ARHGAP15: variants seen among roughly 807,000 people sequenced by gnomAD.
ARHGAP15 encodes the protein rho GTPase-activating protein 15.
In ARHGAP15, 51 loss-of-function variants were observed where a neutral mutation model predicts 63.7. The observed-to-expected ratio is 0.80, with a 90% CI of 0.64 to 1.01. The LOEUF is 1.01. Among genes scored for constraint, ARHGAP15 ranks in the 50% least tolerant of loss-of-function variants. ARHGAP15 has a pLI of 0.00. For synonymous variants in ARHGAP15, 191 were observed against 193.8 expected (o/e 0.99, Z 0.12); for missense variants, 560 against 564.6 (o/e 0.99, Z 0.08).
intron 2 of ARHGAP15, among the ~76,000 whole-genome samples, chr2:143,187,237 G>T (rs1379986235): frequency 6.6e-6 from 1 of 152,110 alleles, no homozygotes; most frequent in African/African-American, 2.4e-5. Context: ...TGTGTAAAAT[G>T]CCTTCAAAGA....
rs551254974 is a variant in ARHGAP15, at chr2:143,501,598, G to A, written c.826+14103G>A. ...AGATACCTCCAGTTCTCTAGCATCC[G>A]TTTCTTATGTTCATGTACACACTTG... On this transcript the variant is annotated intron_variant, in intron 9 of 13. Transcript: ENST00000295095. 5.3e-5 allele frequency among the ~76,000 whole-genome samples: 8 copies of A among 152,290 alleles called. No homozygotes were observed. In the South Asian group the frequency reaches 8.3e-4, roughly 16 times the overall value.
intron 12 of ARHGAP15, among the ~76,000 whole-genome samples, chr2:143,634,214 G>T (rs1574740870): frequency 6.6e-6 from 1 of 151,962 alleles, no homozygotes; most frequent in Non-Finnish European, 1.5e-5. Context: ...GTCTTTGACT[G>T]CTCCATCTGT....
chr2:143,429,220 GTTT>G (rs67580605), intron 6 of ARHGAP15, among the ~76,000 whole-genome samples: 32,986 of 131,836 alleles, frequency 0.25, 4,619 homozygotes, highest in Non-Finnish European at 0.36. Flanking sequence ...GAACATGAGG[GTTT>G]TTTTTTTTTT....
At chr2:143,599,450 G>A (rs1334972642) in intron 11 of ARHGAP15, among the ~76,000 whole-genome samples, 1 of 151,952 alleles carries the variant, frequency 6.6e-6, no homozygotes, top group Non-Finnish European at 1.5e-5. Flanking sequence ...CTGAGCATAA[G>A]CAATGGGCAA....
At chr2:143,141,625 C>T (rs1425078779) in intron 1 of ARHGAP15, among the ~76,000 whole-genome samples, 12 of 152,124 alleles carry the variant, frequency 7.9e-5, no homozygotes, top group African/African-American at 2.9e-4. Flanking sequence ...CTCGTTGTAA[C>T]TAAGATCATG....
intron 13 of ARHGAP15, among the ~76,000 whole-genome samples, chr2:143,744,511 C>G (rs956511236): frequency 3.3e-5 from 5 of 152,094 alleles, no homozygotes; most frequent in African/African-American, 4.8e-5. Context: ...ACTGTTTAAC[C>G]TAATTGAGCT....
intron 6 of ARHGAP15, among the ~76,000 whole-genome samples, chr2:143,340,466 T>C (rs754279251): frequency 1.2e-4 from 18 of 152,134 alleles, no homozygotes; most frequent in Admixed American, 6.6e-4. Flanking sequence ...AGTGATGTAA[T>C]TTTCATTTGC....
chr2:143,530,757 C>G (rs1377872246), intron 10 of ARHGAP15, among the ~76,000 whole-genome samples: 1 of 152,120 alleles, frequency 6.6e-6, no homozygotes, highest in Non-Finnish European at 1.5e-5. Flanking sequence ...ATTTCCTGCT[C>G]GTATTTCTAA....
At chr2:143,301,838 A>G (rs1421688756) in intron 6 of ARHGAP15, among the ~76,000 whole-genome samples, 2 of 151,604 alleles carry the variant, frequency 1.3e-5, no homozygotes, top group Admixed American at 1.3e-4. Flanking sequence ...TGGAGACAAC[A>G]TATATATGGG....
In ARHGAP15 at chr2:143,479,894, ACT is replaced by A. The variant is rs1454094796; in HGVS notation, c.704-7476_704-7475del. Among the ~76,000 whole-genome samples, 17 of 151,960 alleles carry A rather than the reference ACT, an allele frequency of 1.1e-4. No individual in the cohort carries two copies. The East Asian group carries it at 2.5e-3, about 22-fold the overall frequency. ...TGACGCAAAAAAAAAAAGTCATTAA[ACT>A]CTGGCTTATAAAAGGAAACCAGATA... On this transcript the variant is annotated intron_variant, in intron 8 of 13. Transcript: ENST00000295095.
intron 6 of ARHGAP15, among the ~76,000 whole-genome samples, chr2:143,386,260 G>A (rs1001520803): frequency 6.6e-6 from 1 of 151,856 alleles, no homozygotes; most frequent in African/African-American, 2.4e-5. Context: ...GTTTTTCCAA[G>A]GAAAAAAATG....
intron 8 of ARHGAP15, among the ~76,000 whole-genome samples, chr2:143,454,141 G>A (rs577972604): frequency 2.0e-5 from 3 of 152,012 alleles, no homozygotes; most frequent in African/African-American, 7.2e-5. Context: ...TCATTGAGAG[G>A]CCCTGAGGAC....
chr2:143,425,454 CTA>C (rs1689102886), intron 6 of ARHGAP15, among the ~76,000 whole-genome samples: 3 of 151,812 alleles, frequency 2.0e-5, no homozygotes, highest in Middle Eastern at 3.4e-3. Flanking sequence ...TCATATGTCA[CTA>C]TATGTGATAT....
At chr2:143,205,293 A>G (rs1692288554) in intron 3 of ARHGAP15, among the ~76,000 whole-genome samples, 1 of 151,650 alleles carries the variant, frequency 6.6e-6, no homozygotes, top group Non-Finnish European at 1.5e-5. Flanking sequence ...GGAACCTACA[A>G]ATGAACAAAC....
chr2:143,578,556 A>T (rs1696765619), intron 11 of ARHGAP15, among the ~76,000 whole-genome samples: 1 of 152,140 alleles, frequency 6.6e-6, no homozygotes, highest in Admixed American at 6.6e-5. Flanking sequence ...GGCGCTCTAT[A>T]CATTTTTAAA....
chr2:143,369,384 T>A (rs1686443651), intron 6 of ARHGAP15, among the ~76,000 whole-genome samples: 1 of 152,132 alleles, frequency 6.6e-6, no homozygotes, highest in African/African-American at 2.4e-5. Flanking sequence ...AATGGCAAAT[T>A]ATATAAAATA....
intron 9 of ARHGAP15, among the ~76,000 whole-genome samples, chr2:143,512,665 A>G (rs535503505): frequency 5.9e-5 from 9 of 152,300 alleles, no homozygotes; most frequent in African/African-American, 1.7e-4. Flanking sequence ...ATAAACAGAA[A>G]TTTACTCAAG....
At chr2:143,505,294 C>T (rs1332401764) in intron 9 of ARHGAP15, among the ~76,000 whole-genome samples, 2 of 152,170 alleles carry the variant, frequency 1.3e-5, no homozygotes, top group African/African-American at 4.8e-5. Context: ...GTCCCAGTAG[C>T]TGGAAACATA....
At chr2:143,584,256 A>T (rs1008171420) in intron 11 of ARHGAP15, among the ~76,000 whole-genome samples, 2 of 152,210 alleles carry the variant, frequency 1.3e-5, no homozygotes, top group Non-Finnish European at 2.9e-5. Flanking sequence ...CATTTGTAGC[A>T]TTCTGGCAGA....
Sources: gnomAD v4.1 joint callset for allele counts (sites outside exome capture counted in the v4.1 genomes callset) on GRCh38, gnomAD v4.1.1 for gene constraint, MANE v1.5 for transcripts, NCBI Gene and HGNC (gene_info 2026-07-23, HGNC 2026-07-21) for gene names.